Variants in HIVEP3 observed in about 807,000 individuals in gnomAD.
HIVEP3 encodes the protein transcription factor HIVEP3.
Under a neutral mutation model 152.8 loss-of-function variants are expected in HIVEP3, and 49 were observed. The observed-to-expected ratio is 0.32, with a 90% confidence interval of 0.26 to 0.41. HIVEP3 has a LOEUF of 0.41. HIVEP3 is among the 10% of genes least tolerant of loss of function. HIVEP3 has a pLI of 1.00. For missense variants in HIVEP3, 2,790 were observed against 3,103.3 expected, an observed-to-expected ratio of 0.90 and a Z score of 2.40; for synonymous variants, 1,269 against 1,289.0, an observed-to-expected ratio of 0.98 and a Z score of 0.33.
chr1:41,931,360 G>A (rs1047444764), intron 1 of HIVEP3, among the ~76,000 whole-genome samples: 3 of 151,916 alleles, frequency 2.0e-5, no homozygotes, highest in African/African-American at 7.3e-5. Flanking sequence ...ACCATTTGTT[G>A]AAAAGACTAT....
chr1:41,687,229 A>C (rs1158343722), intron 2 of HIVEP3, among the ~76,000 whole-genome samples: 1 of 152,242 alleles, frequency 6.6e-6, no homozygotes, highest in African/African-American at 2.4e-5. Context: ...CAAGAAAATC[A>C]CTGGGGCTGT....
intron 1 of HIVEP3, among the ~76,000 whole-genome samples, chr1:41,852,632 C>T (rs1479949487): frequency 6.6e-6 from 1 of 152,150 alleles, no homozygotes; most frequent in Non-Finnish European, 1.5e-5. Context: ...TGGAGAAGGT[C>T]TCCTTTCTCA....
At position 41,506,439 on chromosome 1, in the gene HIVEP3, C is replaced by T. The variant is rs1168751363; in HGVS notation, c.*4012G>A. 1 of 152,170 alleles carries T rather than the reference C, an allele frequency of 6.6e-6. No individual in the cohort carries two copies. Among genetic ancestry groups the T allele is most frequent in the African/African-American group, 2.4e-5 (1 of 41,436 alleles). The allele number at this position is 152,170 out of a possible 1,614,324, so 9.4% of individuals were successfully genotyped here. ...AAAAAATATCCTCAGGCTGAACACT[C>T]AGCCAGAGCTGTAATAAAGGCAATT... On this transcript the variant is annotated 3_prime_UTR_variant, in exon 9 of 9. Transcript: ENST00000372583.
At chr1:41,674,893 C>T (rs112702760) in intron 2 of HIVEP3, among the ~76,000 whole-genome samples, 1 of 152,228 alleles carries the variant, frequency 6.6e-6, no homozygotes, top group Middle Eastern at 3.4e-3. Context: ...ATCTTTAGTC[C>T]ACACTTATTG....
intron 1 of HIVEP3, among the ~76,000 whole-genome samples, chr1:41,899,436 C>T (rs1179302065): frequency 2.0e-5 from 3 of 152,136 alleles, no homozygotes; most frequent in Non-Finnish European, 4.4e-5. Flanking sequence ...GATGGAGTTT[C>T]GTTCTTGTTG....
intron 5 of HIVEP3, among the ~76,000 whole-genome samples, chr1:41,558,265 C>T (rs1369125921): frequency 2.0e-5 from 3 of 152,174 alleles, no homozygotes; most frequent in African/African-American, 7.2e-5. Flanking sequence ...ATCTGCAGAG[C>T]CTGTTGGAGC....
At chr1:41,948,844 G>C (rs955106074) in intron 1 of HIVEP3, among the ~76,000 whole-genome samples, 21 of 151,978 alleles carry the variant, frequency 1.4e-4, no homozygotes, top group African/African-American at 5.1e-4. Context: ...AAACTATCAA[G>C]CAGATAGTCA....
intron 1 of HIVEP3, among the ~76,000 whole-genome samples, chr1:41,785,106 C>T (rs1165437622): frequency 6.6e-6 from 1 of 152,176 alleles, no homozygotes; most frequent in Non-Finnish European, 1.5e-5. Flanking sequence ...ACAGAAGCTG[C>T]TCAAATCACT....
intron 1 of HIVEP3, among the ~76,000 whole-genome samples, chr1:42,006,357 G>C (rs1188150194): frequency 2.6e-5 from 4 of 152,102 alleles, no homozygotes; most frequent in Non-Finnish European, 5.9e-5. Flanking sequence ...CAGCGGTTCT[G>C]AAACTCTCTG....
intron 1 of HIVEP3, among the ~76,000 whole-genome samples, chr1:41,866,735 C>G (rs1232527105): frequency 6.6e-6 from 1 of 152,208 alleles, no homozygotes; most frequent in African/African-American, 2.4e-5. Flanking sequence ...ATCAGGCACT[C>G]AAAGGAGCAT....
At chr1:41,614,360 G>C (rs1644938175) in intron 3 of HIVEP3, among the ~76,000 whole-genome samples, 5 of 152,200 alleles carry the variant, frequency 3.3e-5, no homozygotes, top group Admixed American at 3.3e-4. Context: ...GCTCAACAGA[G>C]GGTGCAAGTC....
At chr1:41,639,315 CCAG>C (rs922948691) in intron 2 of HIVEP3, among the ~76,000 whole-genome samples, 5 of 151,990 alleles carry the variant, frequency 3.3e-5, no homozygotes, top group Non-Finnish European at 5.9e-5. Flanking sequence ...CCTCATTTAC[CCAG>C]CACCACAGAA....
chr1:41,655,181 C>T (rs987969838), intron 2 of HIVEP3, among the ~76,000 whole-genome samples: 2 of 152,046 alleles, frequency 1.3e-5, no homozygotes, highest in Non-Finnish European at 2.9e-5. Context: ...CTCCACGTGC[C>T]CCATAGAGAA....
At chr1:41,845,221 C>T (rs1048427276) in intron 1 of HIVEP3, among the ~76,000 whole-genome samples, 4 of 113,488 alleles carry the variant, frequency 3.5e-5, no homozygotes, top group African/African-American at 1.7e-4. Flanking sequence ...TTATTCTCTA[C>T]CACCTTCCAT....
intron 5 of HIVEP3, among the ~76,000 whole-genome samples, chr1:41,534,181 C>T (rs1167956749): frequency 6.6e-6 from 1 of 152,168 alleles, no homozygotes; most frequent in Non-Finnish European, 1.5e-5. Context: ...GAGCTGTCCC[C>T]AAATCCATCC....
intron 1 of HIVEP3, among the ~76,000 whole-genome samples, chr1:41,851,205 G>C (rs528203890): frequency 6.6e-6 from 1 of 151,298 alleles, no homozygotes; most frequent in Admixed American, 6.6e-5. Flanking sequence ...ACAGTGCTTG[G>C]GACACAGCAG....
chr1:41,819,507 A>T (rs2124339755), intron 1 of HIVEP3, among the ~76,000 whole-genome samples: 1 of 152,234 alleles, frequency 6.6e-6, no homozygotes, highest in East Asian at 1.9e-4. Context: ...ACCAATATAA[A>T]TATTTACAGC....
chr1:41,875,833 C>T (rs1214482409), intron 1 of HIVEP3, among the ~76,000 whole-genome samples: 7 of 152,234 alleles, frequency 4.6e-5, no homozygotes, highest in African/African-American at 1.7e-4. Flanking sequence ...TTCTCTATCC[C>T]TGGACTGTGC....
chr1:41,890,484 T>C (rs964435055), intron 1 of HIVEP3, among the ~76,000 whole-genome samples: 2 of 152,184 alleles, frequency 1.3e-5, no homozygotes, highest in African/African-American at 4.8e-5. Context: ...TTTCCAGCTT[T>C]TATTGTAGAT....
Sources: gnomAD v4.1 joint callset for allele counts (sites outside exome capture counted in the v4.1 genomes callset) on GRCh38, gnomAD v4.1.1 for gene constraint, MANE v1.5 for transcripts, NCBI Gene and HGNC (gene_info 2026-07-23, HGNC 2026-07-21) for gene names.